KCTD8: variants seen among roughly 807,000 people sequenced by gnomAD.
KCTD8 encodes BTB/POZ domain-containing protein KCTD8.
Under a neutral mutation model 31.5 loss-of-function variants are expected in KCTD8, and 27 were observed. That is an observed-to-expected ratio of 0.86 (90% CI 0.63 to 1.18). KCTD8 has a LOEUF of 1.18. Ranked by LOEUF, KCTD8 falls within the 50% of genes most tolerant of loss-of-function variation. The pLI is 0.00. For synonymous variants in KCTD8, 290 were observed against 280.0 expected, an observed-to-expected ratio of 1.04 and a Z score of -0.36; for missense variants, 658 against 647.7, an observed-to-expected ratio of 1.02 and a Z score of -0.17.
At chr4:44,380,097 T>G (rs902632942) in intron 1 of KCTD8, among the ~76,000 whole-genome samples, 2 of 152,034 alleles carry the variant, frequency 1.3e-5, no homozygotes, top group Admixed American at 6.6e-5. Context: ...GAGTCACACT[T>G]AATTATACAA....
At chr4:44,183,245 T>C (rs1713480667) in intron 1 of KCTD8, among the ~76,000 whole-genome samples, 1 of 152,204 alleles carries the variant, frequency 6.6e-6, no homozygotes. Flanking sequence ...TGAATGCAAT[T>C]TGTAAGCTGT....
intron 1 of KCTD8, among the ~76,000 whole-genome samples, chr4:44,196,470 G>A (rs1056870672): frequency 1.3e-5 from 2 of 152,180 alleles, no homozygotes; most frequent in Non-Finnish European, 2.9e-5. Context: ...CTTGGAGAAG[G>A]GGGTTCAAGA....
intron 1 of KCTD8, among the ~76,000 whole-genome samples, chr4:44,249,320 G>A (rs1715759722): frequency 6.6e-6 from 1 of 151,670 alleles, no homozygotes; most frequent in South Asian, 2.1e-4. Context: ...CAAGGCCTTT[G>A]AATAAAATCA....
intron 1 of KCTD8, among the ~76,000 whole-genome samples, chr4:44,312,035 T>C (rs1188545168): frequency 1.3e-5 from 2 of 152,066 alleles, no homozygotes; most frequent in East Asian, 3.8e-4. Flanking sequence ...CTCACATTCT[T>C]CTTTGAGTTT....
intron 1 of KCTD8, among the ~76,000 whole-genome samples, chr4:44,412,504 G>A (rs1372391255): frequency 1.3e-5 from 2 of 152,148 alleles, no homozygotes; most frequent in African/African-American, 4.8e-5. Context: ...TGGGAAAAAT[G>A]TTTGTATCCA....
At chr4:44,434,108 A>T (rs1029696813) in intron 1 of KCTD8, among the ~76,000 whole-genome samples, 1 of 151,840 alleles carries the variant, frequency 6.6e-6, no homozygotes, top group Non-Finnish European at 1.5e-5. Flanking sequence ...TTCCCCGAAC[A>T]TGCCATTTTT....
At chr4:44,443,029 C>A (rs1035212498) in intron 1 of KCTD8, among the ~76,000 whole-genome samples, 2 of 152,194 alleles carry the variant, frequency 1.3e-5, no homozygotes, top group African/African-American at 4.8e-5. Flanking sequence ...GGTGTCATAG[C>A]ACAGCCTCTA....
intron 1 of KCTD8, among the ~76,000 whole-genome samples, chr4:44,422,887 T>C (rs1721253494): frequency 6.6e-6 from 1 of 152,186 alleles, no homozygotes; most frequent in African/African-American, 2.4e-5. Flanking sequence ...AGCCTCAGGA[T>C]GGTAGAGGTG....
chr4:44,293,875 A>G (rs1255235007), intron 1 of KCTD8: 1 of 442,808 alleles, frequency 2.3e-6, no homozygotes, highest in Non-Finnish European at 4.5e-6. Context: ...TCAGAAATAT[A>G]AATAGAATTA....
chr4:44,414,598 A>T (rs1721030997), intron 1 of KCTD8, among the ~76,000 whole-genome samples: 1 of 152,224 alleles, frequency 6.6e-6, no homozygotes, highest in African/African-American at 2.4e-5. Flanking sequence ...GTCTTCCTGC[A>T]GTCTGGTATC....
chr4:44,314,652 ATCTATAT>A (rs1718056011), intron 1 of KCTD8, among the ~76,000 whole-genome samples: 1 of 152,012 alleles, frequency 6.6e-6, no homozygotes, highest in African/African-American at 2.4e-5. Flanking sequence ...AAATATACAC[ATCTATAT>A]GCATAAACAT....
chr4:44,298,519 G>A (rs1191678690), intron 1 of KCTD8, among the ~76,000 whole-genome samples: 1 of 152,008 alleles, frequency 6.6e-6, no homozygotes, highest in African/African-American at 2.4e-5. Context: ...AGTTGTAGCA[G>A]CAATAAGATA....
intron 1 of KCTD8, among the ~76,000 whole-genome samples, chr4:44,178,328 G>A (rs1713277836): frequency 6.6e-6 from 1 of 152,128 alleles, no homozygotes; most frequent in Non-Finnish European, 1.5e-5. Flanking sequence ...TCAGTTCAGT[G>A]TGAAGGGCTG....
intron 1 of KCTD8, among the ~76,000 whole-genome samples, chr4:44,262,256 C>A (rs1401157026): frequency 1.3e-5 from 2 of 151,794 alleles, no homozygotes; most frequent in Non-Finnish European, 2.9e-5. Context: ...TACAGTGGGT[C>A]CAAGAGTGAA....
In KCTD8 at chr4:44,251,590, T is replaced by C. The variant is rs1328176214; in HGVS notation, c.962-76340A>G. ...TTTGTTATTATAAATAATATTTGTCTTAAAGTTACATTTTCTAATTATGTA... is the reference window on the plus strand; with the variant it reads ...TTTGTTATTATAAATAATATTTGTCCTAAAGTTACATTTTCTAATTATGTA... On this transcript the variant is annotated intron_variant, in intron 1 of 1. Coordinates refer to ENST00000360029, the MANE Select transcript of KCTD8 (RefSeq NM_198353.3). Among the ~76,000 whole-genome samples, 3 of 151,760 alleles carry C rather than the reference T, an allele frequency of 2.0e-5. No individual in the cohort carries two copies. In the East Asian group the frequency reaches 5.8e-4, roughly 29 times the overall value.
intron 1 of KCTD8, among the ~76,000 whole-genome samples, chr4:44,337,405 G>C (rs1404972543): frequency 2.6e-5 from 4 of 152,088 alleles, no homozygotes; most frequent in African/African-American, 9.7e-5. Flanking sequence ...GCTGGGCACG[G>C]TGGTTCACGC....
At chr4:44,248,912 CTCTT>C (rs1715743806) in intron 1 of KCTD8, among the ~76,000 whole-genome samples, 1 of 151,858 alleles carries the variant, frequency 6.6e-6, no homozygotes, top group Non-Finnish European at 1.5e-5. Flanking sequence ...AACAAAAACT[CTCTT>C]GTGCCGGAAC....
At chr4:44,226,415 C>A (rs1714964961) in intron 1 of KCTD8, among the ~76,000 whole-genome samples, 1 of 152,118 alleles carries the variant, frequency 6.6e-6, no homozygotes, top group Non-Finnish European at 1.5e-5. Context: ...TATATATGTA[C>A]CAGATTTTCT....
intron 1 of KCTD8, among the ~76,000 whole-genome samples, chr4:44,294,371 C>A (rs1717370238): frequency 6.6e-6 from 1 of 152,186 alleles, no homozygotes; most frequent in Non-Finnish European, 1.5e-5. Context: ...AAAACACATT[C>A]TGCCCAAAGA....
Sources: gnomAD v4.1 joint callset for allele counts (sites outside exome capture counted in the v4.1 genomes callset) on GRCh38, gnomAD v4.1.1 for gene constraint, MANE v1.5 for transcripts, NCBI Gene and HGNC (gene_info 2026-07-23, HGNC 2026-07-21) for gene names.